EIF2AK4: variants seen among roughly 807,000 people sequenced by gnomAD.
The protein encoded by EIF2AK4 is eIF-2-alpha kinase GCN2.
EIF2AK4 carries 139 observed loss-of-function variants against 211.1 expected under a neutral mutation model. The observed-to-expected ratio is 0.66, with a 90% CI of 0.57 to 0.76. The LOEUF is 0.76. Among genes scored for constraint, EIF2AK4 ranks in the 30% least tolerant of loss-of-function variants. The probability of loss-of-function intolerance (pLI) is 0.00; values close to 1 mark genes in which losing one functional copy is unlikely to be tolerated. For synonymous variants in EIF2AK4, 710 were observed against 751.3 expected, an observed-to-expected ratio of 0.94 and a Z score of 0.90; for missense variants, 1,664 against 2,043.8, an observed-to-expected ratio of 0.81 and a Z score of 3.58.
intron 33 of EIF2AK4, among the ~76,000 whole-genome samples, chr15:40,026,920 A>G (rs1274731412): frequency 6.6e-6 from 1 of 152,232 alleles, no homozygotes; most frequent in Non-Finnish European, 1.5e-5. Flanking sequence ...ATGTCTATCA[A>G]GGCTCATTTA....
rs765879645 is a variant in EIF2AK4 at position 39,976,782 on chromosome 15, C to G, written c.2187C>G (p.Gly729=). ...ASARFPATGP[G]SSDDEDDDED... is the part of the protein sequence containing the mutation. ...CCCGTTTCCCCGCCACCGGCCCGGG[C>G]TCCAGCGATGACGAGGACGACGACG... Residue 729 remains glycine, a synonymous_variant, in exon 12 of 39, where the codon GGC becomes GGG. Coordinates refer to ENST00000263791, the MANE Select transcript of EIF2AK4 (RefSeq NM_001013703.4). 3 of 1,585,494 alleles carry G rather than the reference C, an allele frequency of 1.9e-6. No individual in the cohort carries two copies.
chr15:39,992,179 A>G lies in EIF2AK4; in HGVS notation c.2636A>G (p.Asp879Gly). The change falls in exon 17 of 39, where the codon GAC becomes GGC. Residue 879 changes from aspartate (D) to glycine (G), a missense_variant. Asp to Gly is a moderately conservative substitution (Grantham distance 94). Transcript: ENST00000263791. The stretch of plus-strand genomic sequence containing the variant: ...TTGGCTTACTTATATTTTTAGGCTG[A>G]CAGCAAACAAGACGATCAGACAGGA... ...LATDHLAFSA[D>G]SKQDDQTGDL... 2 of 1,611,790 alleles carry G rather than the reference A, an allele frequency of 1.2e-6. No individual in the cohort carries two copies. The highest frequency in any genetic ancestry group is 2.2e-5 in the East Asian group (1 of 44,832).
intron 18 of EIF2AK4, among the ~76,000 whole-genome samples, chr15:39,994,042 A>G (rs981710878): frequency 6.6e-6 from 1 of 152,208 alleles, no homozygotes; most frequent in Admixed American, 6.5e-5. Flanking sequence ...ACCTGGGTGA[A>G]GAGTATTTGA....
chr15:39,935,496 A>AT (rs1039791146), intron 1 of EIF2AK4, among the ~76,000 whole-genome samples: 1 of 151,960 alleles, frequency 6.6e-6, no homozygotes, highest in African/African-American at 2.4e-5. Flanking sequence ...CACCTGGTTA[A>AT]TTTTTTTAAT....
At chr15:40,030,236 T>C in intron 34 of EIF2AK4, 123 bp from the exon 35 acceptor site, 1 of 956,490 alleles carries the variant, frequency 1.0e-6, no homozygotes, top group Non-Finnish European at 1.6e-6. Context: ...CACAGCCCAG[T>C]CGTGATCTAG....
chr15:39,985,523 C>A (rs2034852437), intron 13 of EIF2AK4, among the ~76,000 whole-genome samples: 1 of 152,014 alleles, frequency 6.6e-6, no homozygotes, highest in Admixed American at 6.6e-5. Flanking sequence ...ACACATATAC[C>A]CTCCCAAGAC....
In EIF2AK4 at chr15:40,003,400, G is replaced by C. The variant is rs1311651618; in HGVS notation, c.3357+86G>C. On this transcript the variant is annotated intron_variant, in intron 23 of 38. Transcript: ENST00000263791. ...CTCTGTTAAAGGATTTTTCCCCCAG[G>C]CTTATATTATAAATGTCACCTTTGG... 6 of 1,550,842 alleles carry C rather than the reference G, an allele frequency of 3.9e-6. No homozygotes were observed. In the African/African-American group the frequency reaches 4.1e-5, roughly 11 times the overall value.
At chr15:40,011,677 GT>G (rs2035237527) in intron 27 of EIF2AK4, among the ~76,000 whole-genome samples, 1 of 152,164 alleles carries the variant, frequency 6.6e-6, no homozygotes, top group Admixed American at 6.5e-5. Context: ...AATACCAGTT[GT>G]CCTCTTTTGA....
chr15:39,976,007 TTAAGTG>T lies in EIF2AK4; in HGVS notation c.1819-403_1819-398del, dbSNP rs574327362. Among the ~76,000 whole-genome samples the T allele has an allele frequency of 4.6e-5, 7 of 152,322 alleles. No homozygotes were observed. The South Asian group carries it at 1.4e-3, about 32-fold the overall frequency. On this transcript the variant is annotated intron_variant, in intron 11 of 38. Transcript: ENST00000263791. ...GGTGTTTAATTTGTTTTTAGTGACT[TTAAGTG>T]TAAAAAAAAATCAGAGAGAAACTAA...
chr15:39,995,142 G>A (rs1197242320), intron 18 of EIF2AK4, among the ~76,000 whole-genome samples: 8 of 151,984 alleles, frequency 5.3e-5, no homozygotes, highest in Non-Finnish European at 7.4e-5. Flanking sequence ...GCACCTGGCC[G>A]TATATACATA....
At chr15:39,976,887 A>T (rs765130731) in intron 12 of EIF2AK4, 43 bp downstream of exon 12, 14 of 1,420,520 alleles carry the variant, frequency 9.9e-6, no homozygotes, top group Non-Finnish European at 1.1e-5. Flanking sequence ...TGCGCCCCCT[A>T]GTTTCCTTTC....
chr15:40,024,739 G>GT (rs71132136), intron 32 of EIF2AK4, among the ~76,000 whole-genome samples: 2,002 of 122,084 alleles, frequency 0.016, 20 homozygotes, highest in South Asian at 0.04. Flanking sequence ...GCTTTTTTTT[G>GT]TTTTTTTTTT....
chr15:39,951,492 A>T (rs1227306079), intron 4 of EIF2AK4: 3 of 410,604 alleles, frequency 7.3e-6, no homozygotes, highest in Non-Finnish European at 1.4e-5. Flanking sequence ...GATAGGCCTC[A>T]CTTGCCTTCT....
intron 25 of EIF2AK4, among the ~76,000 whole-genome samples, chr15:40,009,264 T>G (rs1223837276): frequency 1.3e-5 from 2 of 151,856 alleles, no homozygotes; most frequent in Non-Finnish European, 2.9e-5. Flanking sequence ...AATTTTTTAT[T>G]TTTTTGTAGA....
chr15:40,022,357 T>G, intron 31 of EIF2AK4, 162 bp from the exon 32 acceptor site: 1 of 591,804 alleles, frequency 1.7e-6, no homozygotes, highest in Non-Finnish European at 2.9e-6. Context: ...TCCCTTGAAT[T>G]CTATGCGGCT....
chr15:40,017,501 C>CTTTATATATATATATATATA lies in EIF2AK4; in HGVS notation c.4065+260_4065+261insTTATATATATATATATATAT, dbSNP rs1363648720. 7.7e-5 allele frequency among the ~76,000 whole-genome samples: 2 copies of CTTTATATATATATATATATA among 26,126 alleles called. 1 individual carries two copies. The highest frequency in any genetic ancestry group is 3.1e-4 in the African/African-American group (2 of 6,356). The allele number at this position is 26,126 out of a possible 152,430, so 17.1% of individuals were successfully genotyped here. A position where few individuals can be genotyped will look rare whatever the true frequency, so the allele number is the denominator to read the frequency against. On this transcript the variant is annotated intron_variant, in intron 29 of 38. Coordinates refer to ENST00000263791, the MANE Select transcript of EIF2AK4 (RefSeq NM_001013703.4). ...GGCTCATGTACCCTTTACTCTGTTT[C>CTTTATATATATATATATATA]TATATATATATATATATATATATAT...
intron 6 of EIF2AK4, among the ~76,000 whole-genome samples, chr15:39,958,848 C>G (rs985718759): frequency 6.6e-5 from 10 of 151,962 alleles, no homozygotes; most frequent in African/African-American, 2.4e-4. Context: ...GGATGGTAGC[C>G]CAATTCTCTA....
In EIF2AK4 at chr15:40,025,500, A is replaced by G. The variant is rs180724937; in HGVS notation, c.4390-477A>G. 8.7e-3 allele frequency among the ~76,000 whole-genome samples: 1,330 copies of G among 152,280 alleles called. 32 individuals carry two copies. Among genetic ancestry groups the G allele is most frequent in the Non-Finnish European group, 7.0e-3 (473 of 68,018 alleles). ...GTGAAGATGAAGGGACAGATGCCATAAAAGTGGGATGACAGGACTTGGGTT... is the reference window on the plus strand; with the variant it reads ...GTGAAGATGAAGGGACAGATGCCATGAAAGTGGGATGACAGGACTTGGGTT... On this transcript the variant is annotated intron_variant, in intron 32 of 38. Transcript: ENST00000263791.
rs755287555 is a variant in EIF2AK4, at chr15:39,965,682, G to C, written c.860-4G>C. 1.9e-6 allele frequency: 3 copies of C among 1,613,320 alleles called. No homozygotes were observed. In the Admixed American group the frequency reaches 5.0e-5, roughly 27 times the overall value. Reference sequence around the variant, plus strand: ...TTTAATTACACTTTCTGTTTAATGTGCAGGCAGTGATGAACAACTTGGAAA... The same window carrying C: ...TTTAATTACACTTTCTGTTTAATGTCCAGGCAGTGATGAACAACTTGGAAA... On this transcript the variant is annotated splice_region_variant and splice_polypyrimidine_tract_variant and intron_variant, in intron 7 of 38. Coordinates refer to ENST00000263791, the MANE Select transcript of EIF2AK4 (RefSeq NM_001013703.4).
Sources: gnomAD v4.1 joint callset for allele counts (sites outside exome capture counted in the v4.1 genomes callset) on GRCh38, gnomAD v4.1.1 for gene constraint, MANE v1.5 for transcripts, NCBI Gene and HGNC (gene_info 2026-07-23, HGNC 2026-07-21) for gene names.